Variants in UGT3A2 observed in about 807,000 individuals in gnomAD.
UGT3A2 encodes UDP glycosyltransferase family 3 member A2, also known as UDP-glycosyltransferase 3A2.
Under a neutral mutation model 39.8 loss-of-function variants are expected in UGT3A2, and 32 were observed. That is an observed-to-expected ratio of 0.80 (90% CI 0.61 to 1.08). The LOEUF is 1.08. UGT3A2 is among the 50% of genes least tolerant of loss of function. The pLI, the probability that UGT3A2 is intolerant of heterozygous loss-of-function variation, is 0.00. For missense variants in UGT3A2, 611 were observed against 637.1 expected (o/e 0.96, Z 0.44); for synonymous variants, 241 against 230.7 (o/e 1.04, Z -0.40).
intron 4 of UGT3A2, 81 bp downstream of exon 4, chr5:36,048,808 C>A (rs1742244966): frequency 6.5e-7 from 1 of 1,543,012 alleles, no homozygotes; most frequent in Admixed American, 1.9e-5. Context: ...GCCTCAGGAT[C>A]CTACTGGCAA....
chr5:36,050,118 ATTAT>A (rs1470094635), intron 3 of UGT3A2, among the ~76,000 whole-genome samples: 1 of 149,614 alleles, frequency 6.7e-6, no homozygotes, highest in Non-Finnish European at 1.5e-5. Context: ...TATTTTATAT[ATTAT>A]TTATTTACAT....
Position 36,035,545 on chromosome 5 carries a change from G to T in UGT3A2, c.*153C>A. 8.7e-7 allele frequency: 1 copy of T among 1,148,230 alleles called. No individual in the cohort carries two copies. The highest frequency in any genetic ancestry group is 2.6e-5 in the East Asian group (1 of 38,758). The allele number at this position is 1,148,230 out of a possible 1,614,324, so 71.1% of individuals were successfully genotyped here. A position where few individuals can be genotyped will look rare whatever the true frequency, so the allele number is the denominator to read the frequency against. On this transcript the variant is annotated 3_prime_UTR_variant, in exon 7 of 7. Coordinates refer to ENST00000282507, the MANE Select transcript of UGT3A2 (RefSeq NM_174914.4). ...TGAATTTGTAGCAAAATTAGCAAGT[G>T]GAAAGGATGATTTTTGGCCATTTTT...
chr5:36,046,615 A>C (rs1742174239), intron 4 of UGT3A2, among the ~76,000 whole-genome samples: 1 of 151,972 alleles, frequency 6.6e-6, no homozygotes, highest in South Asian at 2.1e-4. Flanking sequence ...TGGGATGGGT[A>C]GTTAGGGGCT....
chr5:36,058,714 C>T (rs544882791), intron 2 of UGT3A2, among the ~76,000 whole-genome samples: 2 of 152,292 alleles, frequency 1.3e-5, no homozygotes, highest in South Asian at 4.1e-4. Context: ...ACGGGGAGCT[C>T]TTTTCTTCTT....
At chr5:36,052,517 C>A (rs1434911798) in intron 2 of UGT3A2, among the ~76,000 whole-genome samples, 1 of 109,674 alleles carries the variant, frequency 9.1e-6, no homozygotes, top group Non-Finnish European at 2.3e-5. Flanking sequence ...CCCATTTCCC[C>A]TTCCCAACCC....
At chr5:36,063,178 CA>C (rs1171818009) in intron 2 of UGT3A2, among the ~76,000 whole-genome samples, 1 of 151,946 alleles carries the variant, frequency 6.6e-6, no homozygotes, top group Non-Finnish European at 1.5e-5. Flanking sequence ...ATTATAGCTT[CA>C]GGGGGTGCAT....
At position 36,035,555 on chromosome 5, in the gene UGT3A2, A is replaced by T; in HGVS notation, c.*143T>A. The T allele has an allele frequency of 3.2e-6, 4 of 1,244,902 alleles. No individual in the cohort carries two copies. The South Asian group carries it at 6.4e-5, about 20-fold the overall frequency. The allele number at this position is 1,244,902 out of a possible 1,614,324, so 77.1% of individuals were successfully genotyped here. A position where few individuals can be genotyped will look rare whatever the true frequency, so the allele number is the denominator to read the frequency against. On this transcript the variant is annotated 3_prime_UTR_variant, in exon 7 of 7. Coordinates refer to ENST00000282507, the MANE Select transcript of UGT3A2 (RefSeq NM_174914.4). Reference sequence around the variant, plus strand: ...GCAAAATTAGCAAGTGGAAAGGATGATTTTTGGCCATTTTTCCTGTTCTTC... The same window carrying T: ...GCAAAATTAGCAAGTGGAAAGGATGTTTTTTGGCCATTTTTCCTGTTCTTC...
At chr5:36,059,780 C>CA (rs1385927240) in intron 2 of UGT3A2, among the ~76,000 whole-genome samples, 1 of 152,204 alleles carries the variant, frequency 6.6e-6, no homozygotes, top group Non-Finnish European at 1.5e-5. Flanking sequence ...GCTTCAGCAA[C>CA]AGCATGCCTC....
At chr5:36,044,008 T>A (rs1248983719) in intron 4 of UGT3A2, among the ~76,000 whole-genome samples, 2 of 152,058 alleles carry the variant, frequency 1.3e-5, no homozygotes, top group Non-Finnish European at 1.5e-5. Flanking sequence ...ATTACCTTTA[T>A]ACCAAAACCA....
chr5:36,059,361 CTTTTTTT>C (rs35872759), intron 2 of UGT3A2, among the ~76,000 whole-genome samples: 1 of 118,744 alleles, frequency 8.4e-6, no homozygotes, highest in Non-Finnish European at 1.7e-5. Flanking sequence ...TTTCTTTTCT[CTTTTTTT>C]TTTTTTTTTT....
At chr5:36,058,548 C>T (rs1202494725) in intron 2 of UGT3A2, among the ~76,000 whole-genome samples, 1 of 152,104 alleles carries the variant, frequency 6.6e-6, no homozygotes, top group Non-Finnish European at 1.5e-5. Flanking sequence ...AAGTGCAGTG[C>T]TTCTTGTGAT....
chr5:36,058,099 A>G (rs1742571146), intron 2 of UGT3A2, among the ~76,000 whole-genome samples: 1 of 152,242 alleles, frequency 6.6e-6, no homozygotes, highest in African/African-American at 2.4e-5. Context: ...TCATAGCAGC[A>G]TTGTTCACAA....
intron 4 of UGT3A2, among the ~76,000 whole-genome samples, chr5:36,044,854 C>A (rs968193202): frequency 9.2e-5 from 14 of 152,068 alleles, no homozygotes; most frequent in Non-Finnish European, 2.1e-4. Context: ...AACTGGAAAG[C>A]TATTCCACGT....
intron 4 of UGT3A2, among the ~76,000 whole-genome samples, chr5:36,045,837 A>G (rs1475164523): frequency 6.6e-6 from 1 of 152,186 alleles, no homozygotes; most frequent in Non-Finnish European, 1.5e-5. Flanking sequence ...GAGAAGAGAT[A>G]ACCCACGGAA....
chr5:36,052,454 T>C (rs992500774), intron 2 of UGT3A2, among the ~76,000 whole-genome samples: 14 of 80,226 alleles, frequency 1.7e-4, no homozygotes, highest in African/African-American at 4.1e-4. Context: ...TATCCATGTG[T>C]AATAAGAAGT....
chr5:36,051,615 C>A (rs1378107160), intron 3 of UGT3A2, among the ~76,000 whole-genome samples: 1 of 152,170 alleles, frequency 6.6e-6, no homozygotes, highest in Non-Finnish European at 1.5e-5. Context: ...CACTCATGCT[C>A]ATAGTGTGTA....
chr5:36,060,028 A>T (rs1742638098), intron 2 of UGT3A2, among the ~76,000 whole-genome samples: 1 of 152,202 alleles, frequency 6.6e-6, no homozygotes, highest in Non-Finnish European at 1.5e-5. Context: ...GACCAACTGG[A>T]GTCACACTCA....
intron 4 of UGT3A2, among the ~76,000 whole-genome samples, chr5:36,043,108 T>C (rs1742062195): frequency 6.6e-6 from 1 of 152,088 alleles, no homozygotes; most frequent in African/African-American, 2.4e-5. Flanking sequence ...TGGACCATGT[T>C]TAAGTATAGA....
chr5:36,056,830 T>G (rs955201064), intron 2 of UGT3A2, among the ~76,000 whole-genome samples: 5 of 152,252 alleles, frequency 3.3e-5, no homozygotes, highest in African/African-American at 1.2e-4. Flanking sequence ...TTATCTTTCC[T>G]CTCACATTTT....
Sources: allele counts gnomAD v4.1 joint callset (sites outside exome capture counted in the v4.1 genomes callset), GRCh38; gene constraint gnomAD v4.1.1; transcripts MANE v1.5; gene names NCBI Gene and HGNC (gene_info 2026-07-23, HGNC 2026-07-21).